The following NKX2-6 variants were observed in gnomAD, a reference collection of about 807,000 sequenced individuals.
NKX2-6 encodes the protein NK2 homeobox 6, also known as homeobox protein Nkx-2.6.
A neutral mutation model predicts 8.6 loss-of-function variants in NKX2-6; 8 were observed. The ratio of observed to expected loss-of-function variants is 0.93; its 90% CI spans 0.54 to 1.67. The LOEUF (loss-of-function observed/expected upper bound fraction) is 1.67, where lower values mean the gene tolerates loss of function less well. Ranked by LOEUF, NKX2-6 falls within the 40% of genes most tolerant of loss-of-function variation. The probability of loss-of-function intolerance (pLI) is 0.00; values close to 1 mark genes in which losing one functional copy is unlikely to be tolerated. For synonymous variants in NKX2-6, 210 were observed against 199.3 expected, an observed-to-expected ratio of 1.05 and a Z score of -0.45; for missense variants, 475 against 423.1, an observed-to-expected ratio of 1.12 and a Z score of -1.08.
At chr8:23,703,920 C>A (rs187303664) in intron 1 of NKX2-6, among the ~76,000 whole-genome samples, 1 of 152,094 alleles carries the variant, frequency 6.6e-6, no homozygotes, top group Non-Finnish European at 1.5e-5. Flanking sequence ...CAGAGAGAAG[C>A]CCGGGTGTCA....
At chr8:23,704,811 G>A (rs1255625729) in intron 1 of NKX2-6, among the ~76,000 whole-genome samples, 3 of 152,214 alleles carry the variant, frequency 2.0e-5, no homozygotes, top group Non-Finnish European at 4.4e-5. Context: ...CCATTTCAAA[G>A]TCACAGATCA....
In NKX2-6 at chr8:23,706,644, G is replaced by C; in HGVS notation, c.-46C>G. On this transcript the variant is annotated 5_prime_UTR_variant, in exon 1 of 2. Coordinates refer to ENST00000325017, the MANE Select transcript of NKX2-6 (RefSeq NM_001136271.3). ...GGCCGAGGAGGTCCGGGTGAGGAGC[G>C]GCACCCTGAACTTCCCGTCTTGTCG... 6.7e-7 allele frequency: 1 copy of C among 1,500,746 alleles called. No individual in the cohort carries two copies. Among genetic ancestry groups the C allele is most frequent in the Non-Finnish European group, 8.9e-7 (1 of 1,126,730 alleles). The allele number at this position is 1,500,746 out of a possible 1,614,324, so 93.0% of individuals were successfully genotyped here. A position where few individuals can be genotyped will look rare whatever the true frequency, so the allele number is the denominator to read the frequency against.
chr8:23,703,883 A>G (rs890723183), intron 1 of NKX2-6, among the ~76,000 whole-genome samples: 7 of 151,858 alleles, frequency 4.6e-5, no homozygotes, highest in African/African-American at 1.7e-4. Context: ...GGAGGAGGAG[A>G]AGAAGAAGAA....
At chr8:23,706,212 GGA>G (rs1301212619) in intron 1 of NKX2-6, 111 bp downstream of exon 1, 2 of 1,132,284 alleles carry the variant, frequency 1.8e-6, no homozygotes, top group African/African-American at 1.6e-5. Flanking sequence ...GAGAGAAAAT[GGA>G]GAGAGTCTCG....
In NKX2-6 at chr8:23,706,388, C is replaced by T. The variant is rs1275891770; in HGVS notation, c.211G>A (p.Glu71Lys). The T allele has an allele frequency of 3.9e-6, 6 of 1,551,484 alleles. No individual in the cohort carries two copies. The highest frequency in any genetic ancestry group is 5.2e-6 in the Non-Finnish European group (6 of 1,147,002). Residue 71 changes from glutamate to lysine, a missense_variant, in exon 1 of 2, where the codon GAG (glutamate) becomes AAG (lysine). Transcript: ENST00000325017. ...GCCTCACAGGGACCCCCAGGAGGCT[C>T]CGAACCATCCAGCTTTCTGTCACCG... ...GGGDRKLDGSEPPGGPCEAVL... is the reference protein window; with the variant it reads ...GGGDRKLDGSKPPGGPCEAVL...
intron 1 of NKX2-6, 121 bp from the exon 2 acceptor site, chr8:23,703,203 T>G: frequency 8.5e-7 from 1 of 1,176,088 alleles, no homozygotes; most frequent in Non-Finnish European, 1.2e-6. Context: ...TCCTCCTCCC[T>G]CCTACTGCCC....
chr8:23,706,457 C>G lies in NKX2-6; in HGVS notation c.142G>C (p.Ala48Pro). Reference protein sequence around the residue: ...PENFQYLRMDAEPRGSEVHNA... With the variant: ...PENFQYLRMDPEPRGSEVHNA... The stretch of plus-strand genomic sequence containing the variant: ...TGAACCTCTGACCCTCGCGGCTCTG[C>G]GTCCATTCTCAGGTACTGAAAGTTT... The change falls in exon 1 of 2, where the codon GCA becomes CCA. Residue 48 changes from alanine to proline, a missense_variant. Physicochemically the swap from Ala to Pro is conservative, Grantham distance 27 (BLOSUM62 -1). Coordinates refer to ENST00000325017, the MANE Select transcript of NKX2-6 (RefSeq NM_001136271.3). 4.5e-6 allele frequency: 7 copies of G among 1,546,348 alleles called. No homozygotes were observed. Among genetic ancestry groups the G allele is most frequent in the South Asian group, 1.2e-5 (1 of 84,058 alleles).
intron 1 of NKX2-6, among the ~76,000 whole-genome samples, chr8:23,705,318 T>C (rs1487212763): frequency 6.6e-6 from 1 of 152,174 alleles, no homozygotes; most frequent in Non-Finnish European, 1.5e-5. Context: ...GGTAAATAAC[T>C]CCGATCTAGC....
rs1223008229 is a variant in NKX2-6, at chr8:23,703,223, G to C, written c.275-141C>G. The C allele has an allele frequency of 8.3e-6, 8 of 968,012 alleles. No homozygotes were observed. In the East Asian group the frequency reaches 1.7e-4, roughly 21 times the overall value. The allele number at this position is 968,012 out of a possible 1,614,324, so 60.0% of individuals were successfully genotyped here. ...CTCCCTCCTACTGCCCCCGAACCCTGTCCCAGGACGAACCCTGTCCCAGGA... is the reference window on the plus strand; with the variant it reads ...CTCCCTCCTACTGCCCCCGAACCCTCTCCCAGGACGAACCCTGTCCCAGGA... On this transcript the variant is annotated intron_variant, in intron 1 of 1. Transcript: ENST00000325017.
intron 1 of NKX2-6, among the ~76,000 whole-genome samples, chr8:23,703,698 AAAAC>A (rs1563304165): frequency 2.1e-5 from 1 of 48,746 alleles, no homozygotes; most frequent in African/African-American, 1.8e-4. Flanking sequence ...TCCGTCTCAA[AAAAC>A]AAACAAACAA....
rs751396105 is a variant in NKX2-6 at position 23,702,902 on chromosome 8, T to C, written c.455A>G (p.Lys152Arg). 1 of 1,553,606 alleles carries C rather than the reference T, an allele frequency of 6.4e-7. No homozygotes were observed. Among genetic ancestry groups the C allele is most frequent in the Admixed American group, 2.0e-5 (1 of 51,134 alleles). ...GGGCGCTGACAGGTACCGCTGCTGCTTGAAGCGCCGCTCCAGGGCCAGCAC... is the reference window on the plus strand; with the variant it reads ...GGGCGCTGACAGGTACCGCTGCTGCCTGAAGCGCCGCTCCAGGGCCAGCAC... Reference protein sequence around the residue: ...AQVLALERRFKQQRYLSAPER... With the variant: ...AQVLALERRFRQQRYLSAPER... The change falls in exon 2 of 2, where the codon AAG becomes AGG. Residue 152 changes from lysine to arginine, a missense_variant. Lys to Arg is a conservative substitution (Grantham distance 26). Coordinates refer to ENST00000325017, the MANE Select transcript of NKX2-6 (RefSeq NM_001136271.3).
In NKX2-6 at chr8:23,702,606, G is replaced by C. The variant is rs766698247; in HGVS notation, c.751C>G (p.Pro251Ala). 1 of 1,547,580 alleles carries C rather than the reference G, an allele frequency of 6.5e-7. No individual in the cohort carries two copies. The highest frequency in any genetic ancestry group is 8.7e-7 in the Non-Finnish European group (1 of 1,146,270). The change falls in exon 2 of 2, where the codon CCC (proline) becomes GCC (alanine). Residue 251 changes from proline to alanine, a missense_variant. Coordinates refer to ENST00000325017, the MANE Select transcript of NKX2-6 (RefSeq NM_001136271.3). ...CAGGTGCCGTAGCCTGCGCCGTAGG[G>C]TGCTCCGCTGTAGCCTCCGTAGCAA... ...YSCYGGYSGAPYGAGYGTCYA... is the reference protein window; with the variant it reads ...YSCYGGYSGAAYGAGYGTCYA...
At chr8:23,706,197 T>A in intron 1 of NKX2-6, 128 bp downstream of exon 1, 1 of 1,002,122 alleles carries the variant, frequency 1.0e-6, no homozygotes, top group African/African-American at 1.6e-5. Context: ...TTTTTTGGAC[T>A]CCTCGAGAGA....
chr8:23,705,113 C>T (rs534626880), intron 1 of NKX2-6, among the ~76,000 whole-genome samples: 10 of 152,360 alleles, frequency 6.6e-5, no homozygotes, highest in African/African-American at 2.2e-4. Flanking sequence ...CAAATACCAT[C>T]GGCTGCGAGG....
At position 23,706,514 on chromosome 8, in the gene NKX2-6, A is replaced by G. The variant is rs1353387944; in HGVS notation, c.85T>C (p.Ser29Pro). 2.6e-6 allele frequency: 4 copies of G among 1,537,670 alleles called. No individual in the cohort carries two copies. Among genetic ancestry groups the G allele is most frequent in the Non-Finnish European group, 3.5e-6 (4 of 1,146,934 alleles). Residue 29 changes from serine to proline, a missense_variant, in exon 1 of 2, where the codon TCG (serine) becomes CCG (proline). Transcript: ENST00000325017. ...LERERSCPAA[S>P]PHPRVRKSPE... ...CTCTTCCGCACCCGCGGATGTGGCG[A>G]AGCCGCGGGGCAGCTCCGCTCGCGC...
In NKX2-6 at chr8:23,702,475, C is replaced by A; in HGVS notation, c.882G>T (p.Thr294=). The A allele has an allele frequency of 6.7e-7, 1 of 1,492,378 alleles. No homozygotes were observed. Among genetic ancestry groups the A allele is most frequent in the Non-Finnish European group, 8.9e-7 (1 of 1,119,364 alleles). The allele number at this position is 1,492,378 out of a possible 1,614,324, so 92.4% of individuals were successfully genotyped here. Residue 294 remains threonine, a synonymous_variant, in exon 2 of 2, where the codon ACG becomes ACT. Coordinates refer to ENST00000325017, the MANE Select transcript of NKX2-6 (RefSeq NM_001136271.3). ...NATPQGHLAA[T]LQGVRAW ...CTCACCAGGCCCTGACACCCTGCAG[C>A]GTGGCTGCCAGATGGCCCTGCGGGG...
intron 1 of NKX2-6, among the ~76,000 whole-genome samples, chr8:23,705,008 G>T (rs1326227150): frequency 6.6e-6 from 1 of 152,176 alleles, no homozygotes; most frequent in Admixed American, 6.5e-5. Context: ...AGCCGGCCTC[G>T]GGTCCGGCCT....
At chr8:23,706,194 G>T in intron 1 of NKX2-6, 131 bp downstream of exon 1, 1 of 973,758 alleles carries the variant, frequency 1.0e-6, no homozygotes, top group Non-Finnish European at 1.5e-6. Context: ...CCTTTTTTTG[G>T]ACTCCTCGAG....
At position 23,702,904 on chromosome 8, in the gene NKX2-6, G is replaced by A. The variant is rs1253622441; in HGVS notation, c.453C>T (p.Phe151=). Residue 151 remains phenylalanine, a synonymous_variant, in exon 2 of 2, where the codon TTC becomes TTT. Coordinates refer to ENST00000325017, the MANE Select transcript of NKX2-6 (RefSeq NM_001136271.3). The stretch of plus-strand genomic sequence containing the variant: ...GCGCTGACAGGTACCGCTGCTGCTT[G>A]AAGCGCCGCTCCAGGGCCAGCACCT... ...QAQVLALERR[F]KQQRYLSAPE... 6.4e-7 allele frequency: 1 copy of A among 1,553,402 alleles called. No homozygotes were observed. The highest frequency in any genetic ancestry group is 2.0e-5 in the Admixed American group (1 of 51,140).
Sources: allele counts gnomAD v4.1 joint callset (sites outside exome capture counted in the v4.1 genomes callset), GRCh38; gene constraint gnomAD v4.1.1; transcripts MANE v1.5; gene names NCBI Gene and HGNC (gene_info 2026-07-23, HGNC 2026-07-21).